Variants in ALDH18A1 observed in about 807,000 individuals in gnomAD.
The protein encoded by ALDH18A1 is aldehyde dehydrogenase 18 family member A1, also known as delta-1-pyrroline-5-carboxylate synthase.
ALDH18A1 carries 44 observed loss-of-function variants against 88.8 expected under a neutral mutation model. The ratio of observed to expected loss-of-function variants is 0.50; its 90% CI spans 0.39 to 0.64. The LOEUF (loss-of-function observed/expected upper bound fraction) is 0.64, where lower values mean the gene tolerates loss of function less well. ALDH18A1 is among the 30% of genes least tolerant of loss of function. The probability of loss-of-function intolerance (pLI) is 0.00; values close to 1 mark genes in which losing one functional copy is unlikely to be tolerated. For missense variants in ALDH18A1, 782 were observed against 1,009.5 expected, an observed-to-expected ratio of 0.77 and a Z score of 3.05; for synonymous variants, 331 against 372.1, an observed-to-expected ratio of 0.89 and a Z score of 1.27.
intron 11 of ALDH18A1, among the ~76,000 whole-genome samples, chr10:95,623,249 C>T (rs988918221): frequency 6.6e-6 from 1 of 152,104 alleles, no homozygotes; most frequent in Non-Finnish European, 1.5e-5. Context: ...TTCCATGTTG[C>T]AAAAATTATC....
At chr10:95,638,952 A>G (rs1186643717) in intron 3 of ALDH18A1, among the ~76,000 whole-genome samples, 1 of 151,856 alleles carries the variant, frequency 6.6e-6, no homozygotes. Flanking sequence ...GGCTCACTGT[A>G]GCCCTGACCT....
intron 7 of ALDH18A1, 32 bp downstream of exon 7, chr10:95,632,927 G>A: frequency 6.4e-7 from 1 of 1,563,344 alleles, no homozygotes; most frequent in Non-Finnish European, 8.8e-7. Context: ...TAAAACAAAG[G>A]GCAGATAAAG....
chr10:95,612,990 A>G (rs1455142790), intron 15 of ALDH18A1, among the ~76,000 whole-genome samples: 2 of 152,242 alleles, frequency 1.3e-5, no homozygotes, highest in Admixed American at 1.3e-4. Context: ...GGGAAGAGAC[A>G]TATGTTCAGA....
intron 5 of ALDH18A1, among the ~76,000 whole-genome samples, chr10:95,636,594 A>G (rs1262718722): frequency 1.3e-5 from 2 of 152,240 alleles, no homozygotes; most frequent in Non-Finnish European, 1.5e-5. Flanking sequence ...ATAGGTGCTC[A>G]ATAAATATTT....
At chr10:95,630,174 G>A (rs557917279) in intron 7 of ALDH18A1, among the ~76,000 whole-genome samples, 6 of 152,246 alleles carry the variant, frequency 3.9e-5, no homozygotes, top group African/African-American at 1.4e-4. Context: ...GCGGTGGCAT[G>A]ATCACAGTTG....
Position 95,606,645 on chromosome 10 carries a change from A to G in ALDH18A1, c.*117T>C, listed in dbSNP as rs563231416. On this transcript the variant is annotated 3_prime_UTR_variant, in exon 18 of 18. Transcript: ENST00000371224. ...ACGGAGCCCAGAAGCATCCAGGTACACTTTCCAACAGGCAGACCCTACCAG... is the reference window on the plus strand; with the variant it reads ...ACGGAGCCCAGAAGCATCCAGGTACGCTTTCCAACAGGCAGACCCTACCAG... 6.2e-7 allele frequency: 1 copy of G among 1,607,390 alleles called. No homozygotes were observed. The highest frequency in any genetic ancestry group is 1.3e-5 in the African/African-American group (1 of 74,896).
At chr10:95,628,275 C>A (rs182172387) in intron 8 of ALDH18A1, 93 bp downstream of exon 8, 1 of 1,569,096 alleles carries the variant, frequency 6.4e-7, no homozygotes, top group Non-Finnish European at 8.8e-7. Flanking sequence ...ACTATCTGAA[C>A]CATTAACCCC....
At chr10:95,621,285 C>T (rs1177514075) in intron 11 of ALDH18A1, 34 bp from the exon 12 acceptor site, 2 of 1,570,070 alleles carry the variant, frequency 1.3e-6, no homozygotes, top group Admixed American at 1.8e-5. Context: ...GATAAAGTAG[C>T]AGACCTGGCA....
chr10:95,656,413 A>C (rs2097918163), intron 1 of ALDH18A1, 184 bp downstream of exon 1: 1 of 150,056 alleles, frequency 6.7e-6, no homozygotes, highest in Non-Finnish European at 1.5e-5. Context: ...GGCCCGATGC[A>C]GCCGCCATCC....
At chr10:95,645,751 A>C (rs1168120426) in intron 2 of ALDH18A1, among the ~76,000 whole-genome samples, 1 of 151,912 alleles carries the variant, frequency 6.6e-6, no homozygotes, top group Admixed American at 6.6e-5. Flanking sequence ...GTAAGCCATC[A>C]TCTGGGATGG....
chr10:95,641,527 G>C (rs534976007), intron 3 of ALDH18A1, among the ~76,000 whole-genome samples: 2 of 140,366 alleles, frequency 1.4e-5, no homozygotes, highest in East Asian at 2.5e-4. Flanking sequence ...GGGCGGGTGG[G>C]GGGGTGGTCA....
chr10:95,610,367 G>T, intron 16 of ALDH18A1, 75 bp from the exon 17 acceptor site: 2 of 1,444,114 alleles, frequency 1.4e-6, no homozygotes, highest in Non-Finnish European at 1.9e-6. Context: ...ATTGACTGGT[G>T]ACAGATCAGG....
At chr10:95,628,605 C>T (rs2139594977) in intron 7 of ALDH18A1, 113 bp from the exon 8 acceptor site, 1 of 1,296,528 alleles carries the variant, frequency 7.7e-7, no homozygotes, top group East Asian at 2.5e-5. Context: ...ATGAATTCCA[C>T]TGCACTACCA....
chr10:95,639,737 G>A (rs760076297), intron 3 of ALDH18A1, among the ~76,000 whole-genome samples: 53 of 151,800 alleles, frequency 3.5e-4, no homozygotes, highest in Admixed American at 9.2e-4. Context: ...CAAATTAATT[G>A]AAGTGTCTCT....
chr10:95,618,707 G>A (rs2097847709), intron 12 of ALDH18A1, among the ~76,000 whole-genome samples: 1 of 152,168 alleles, frequency 6.6e-6, no homozygotes, highest in Non-Finnish European at 1.5e-5. Context: ...ACAATAAAGG[G>A]GTCCTTTTCA....
chr10:95,656,493 CG>C (rs1017737112), intron 1 of ALDH18A1, 103 bp downstream of exon 1: 2 of 152,284 alleles, frequency 1.3e-5, no homozygotes, highest in African/African-American at 2.4e-5. Flanking sequence ...GCAGCGTCCC[CG>C]CTCCAGCGGC....
intron 1 of ALDH18A1, among the ~76,000 whole-genome samples, chr10:95,654,577 C>G (rs565395567): frequency 1.3e-5 from 2 of 151,990 alleles, no homozygotes; most frequent in South Asian, 4.2e-4. Context: ...AGAAGACTAG[C>G]ATTTAGCCCC....
intron 12 of ALDH18A1, 84 bp from the exon 13 acceptor site, chr10:95,616,698 TGTG>T: frequency 6.6e-7 from 1 of 1,505,200 alleles, no homozygotes; most frequent in Non-Finnish European, 9.0e-7. Context: ...GCACTCCTTC[TGTG>T]CTAAGCACTG....
At chr10:95,629,192 A>C (rs1043795937) in intron 7 of ALDH18A1, among the ~76,000 whole-genome samples, 1 of 152,224 alleles carries the variant, frequency 6.6e-6, no homozygotes, top group African/African-American at 2.4e-5. Context: ...AGTAAGTAGG[A>C]GCTTGGACAA....
Sources: gnomAD v4.1 joint callset for allele counts (sites outside exome capture counted in the v4.1 genomes callset) on GRCh38, gnomAD v4.1.1 for gene constraint, MANE v1.5 for transcripts, NCBI Gene and HGNC (gene_info 2026-07-23, HGNC 2026-07-21) for gene names.